EFHC2: variants seen among roughly 807,000 people sequenced by gnomAD.
EFHC2 encodes the protein EF-hand domain containing 2, also known as EF-hand domain-containing family member C2.
In EFHC2, 18 loss-of-function variants were observed where a neutral mutation model predicts 52.7. That is an observed-to-expected ratio of 0.34 (90% confidence interval 0.24 to 0.51). The LOEUF is 0.51. Among genes scored for constraint, EFHC2 ranks in the 20% least tolerant of loss-of-function variants. The pLI is 0.97. For missense variants in EFHC2, 513 were observed against 562.5 expected (o/e 0.91, Z 0.89); for synonymous variants, 203 against 204.1 (o/e 0.99, Z 0.04).
chrX:44,299,324 A>G (rs1001448783), intron 2 of EFHC2, among the ~76,000 whole-genome samples: 2 of 111,438 alleles, frequency 1.8e-5, no homozygotes, highest in Non-Finnish European at 3.8e-5. Context: ...GTTGACCAGC[A>G]TTATCGTCAA....
intron 11 of EFHC2, among the ~76,000 whole-genome samples, chrX:44,207,792 TCAACAACAACAA>T (rs747217052): frequency 1.6e-4 from 18 of 110,259 alleles, no homozygotes; most frequent in Non-Finnish European, 2.8e-4. Flanking sequence ...TAAACTTAAA[TCAACAACAACAA>T]CAACAACAAC....
intron 2 of EFHC2, among the ~76,000 whole-genome samples, chrX:44,282,976 G>A (rs979932290): frequency 1.8e-5 from 2 of 109,622 alleles, no homozygotes; most frequent in Non-Finnish European, 3.8e-5. Flanking sequence ...GCGAGGTGAT[G>A]GGGGCTGGGC....
At chrX:44,235,233 T>C in intron 9 of EFHC2, 72 bp downstream of exon 9, 4 of 920,716 alleles carry the variant, frequency 4.3e-6, no homozygotes, top group Non-Finnish European at 4.3e-6. Flanking sequence ...TCAGATCATG[T>C]TCCCTAATTT....
intron 1 of EFHC2, among the ~76,000 whole-genome samples, chrX:44,326,064 C>G (rs1043895148): frequency 9.3e-6 from 1 of 107,800 alleles, no homozygotes; most frequent in African/African-American, 3.4e-5. Context: ...CTGCTAATTT[C>G]TGTATTTTTT....
At chrX:44,208,439 C>T (rs991045317) in intron 11 of EFHC2, among the ~76,000 whole-genome samples, 3 of 111,264 alleles carry the variant, frequency 2.7e-5, no homozygotes, top group Non-Finnish European at 5.7e-5. Flanking sequence ...CTAAACAAAA[C>T]GTACACACAT....
chrX:44,189,099 G>A (rs1038010759), intron 11 of EFHC2, among the ~76,000 whole-genome samples: 6 of 86,255 alleles, frequency 7.0e-5, no homozygotes, highest in African/African-American at 9.3e-5. Flanking sequence ...CAGCCTGGGC[G>A]ACAACGAAGC....
chrX:44,298,623 G>A (rs1417946390), intron 2 of EFHC2, among the ~76,000 whole-genome samples: 1 of 110,812 alleles, frequency 9.0e-6, no homozygotes, highest in Non-Finnish European at 1.9e-5. Context: ...AGCGCTTTGG[G>A]AGGCTGAGGC....
At chrX:44,342,315 A>G (rs909253032) in intron 1 of EFHC2, among the ~76,000 whole-genome samples, 2 of 112,408 alleles carry the variant, frequency 1.8e-5, no homozygotes, top group African/African-American at 6.5e-5. Context: ...AAATACTTCA[A>G]TCTGCTGCCT....
intron 7 of EFHC2, among the ~76,000 whole-genome samples, chrX:44,245,559 T>A (rs2037393455): frequency 8.9e-6 from 1 of 112,153 alleles, no homozygotes; most frequent in African/African-American, 3.2e-5. Flanking sequence ...TGCTACAGCC[T>A]GGCAGGCAAG....
chrX:44,325,679 A>G (rs2038047514), intron 1 of EFHC2, among the ~76,000 whole-genome samples: 1 of 106,778 alleles, frequency 9.4e-6, no homozygotes, highest in Non-Finnish European at 1.9e-5. Context: ...CTATTTCAGA[A>G]CTCCAGCACA....
chrX:44,162,971 G>A (rs2036669008), intron 14 of EFHC2, among the ~76,000 whole-genome samples: 1 of 112,098 alleles, frequency 8.9e-6, no homozygotes, highest in Non-Finnish European at 1.9e-5. Flanking sequence ...TGATTTATCT[G>A]GGGATTACAT....
chrX:44,280,433 A>G (rs1372360055), intron 2 of EFHC2, among the ~76,000 whole-genome samples: 1 of 112,266 alleles, frequency 8.9e-6, no homozygotes, highest in Non-Finnish European at 1.9e-5. Flanking sequence ...TAAATATCTA[A>G]CATAATACTT....
chrX:44,232,668 C>A lies in EFHC2; in HGVS notation c.1433G>T (p.Gly478Val). 1 of 1,189,291 alleles carries A rather than the reference C, an allele frequency of 8.4e-7. No individual in the cohort carries two copies. ...GCGACTTCTTTTCAAGAACATCCCA[C>A]CAGCAATTCCTATAAAAAATAGAAA... Reference protein sequence around the residue: ...EPIERNSGIAGGMFLKRSRVK... With the variant: ...EPIERNSGIAVGMFLKRSRVK... Residue 478 changes from glycine (G) to valine (V), a missense_variant, in exon 10 of 15, where the codon GGT becomes GTT. Gly to Val is a moderately radical substitution (Grantham distance 109, BLOSUM62 -3). Transcript: ENST00000420999.
intron 2 of EFHC2, among the ~76,000 whole-genome samples, chrX:44,293,650 T>A (rs972794336): frequency 8.9e-6 from 1 of 111,816 alleles, no homozygotes; most frequent in Admixed American, 9.5e-5. Context: ...CTTTATGCAC[T>A]GTTTTTCTAT....
At chrX:44,320,734 T>C (rs773948879) in intron 1 of EFHC2, among the ~76,000 whole-genome samples, 98 of 110,405 alleles carry the variant, frequency 8.9e-4, no homozygotes, top group Middle Eastern at 4.6e-3. Context: ...CTTGACTCCC[T>C]CCCATCCTCT....
At chrX:44,198,105 T>C (rs902601285) in intron 11 of EFHC2, among the ~76,000 whole-genome samples, 5 of 111,446 alleles carry the variant, frequency 4.5e-5, no homozygotes, top group Non-Finnish European at 9.4e-5. Flanking sequence ...AATGATTTCC[T>C]CATTTCCACA....
chrX:44,232,319 G>C (rs1229546141), intron 10 of EFHC2, among the ~76,000 whole-genome samples, 162 bp downstream of exon 10: 2 of 112,079 alleles, frequency 1.8e-5, no homozygotes, highest in Non-Finnish European at 3.8e-5. Context: ...CTCTGTGATG[G>C]GACATGTGGC....
chrX:44,273,890 T>A (rs2037635645), intron 2 of EFHC2, among the ~76,000 whole-genome samples: 1 of 111,843 alleles, frequency 8.9e-6, no homozygotes, highest in South Asian at 3.7e-4. Flanking sequence ...TTATTCAATG[T>A]GGACAATATG....
At chrX:44,167,309 C>G (rs1228216250) in intron 13 of EFHC2, among the ~76,000 whole-genome samples, 2 of 112,186 alleles carry the variant, frequency 1.8e-5, no homozygotes, top group Non-Finnish European at 1.9e-5. Flanking sequence ...TGAAGTTCCT[C>G]TTATCTGAGT....
Sources: allele counts gnomAD v4.1 joint callset (sites outside exome capture counted in the v4.1 genomes callset), GRCh38; gene constraint gnomAD v4.1.1; transcripts MANE v1.5; gene names NCBI Gene and HGNC (gene_info 2026-07-23, HGNC 2026-07-21).